The following SIRT1 variants were observed in gnomAD, a reference collection of about 807,000 sequenced individuals.
SIRT1 encodes NAD-dependent protein deacetylase sirtuin-1.
SIRT1 carries 24 observed loss-of-function variants against 67.9 expected under a neutral mutation model. That is an observed-to-expected ratio of 0.35 (90% CI 0.26 to 0.50). The LOEUF is 0.50. SIRT1 is among the 20% of genes least tolerant of loss of function. The pLI, the probability that SIRT1 is intolerant of heterozygous loss-of-function variation, is 0.98. For synonymous variants in SIRT1, 378 were observed against 350.7 expected (o/e 1.08, Z -0.87); for missense variants, 873 against 937.2 (o/e 0.93, Z 0.89).
In SIRT1 at chr10:67,911,749, G is replaced by A. The variant is rs947965989; in HGVS notation, c.1358-725G>A. Among the ~76,000 whole-genome samples the A allele has an allele frequency of 4.9e-5, 7 of 144,124 alleles. No individual in the cohort carries two copies. In the South Asian group the frequency reaches 6.8e-4, roughly 14 times the overall value. 94.6% of individuals were successfully genotyped at this position (144,124 alleles called of 152,430 possible). A position where few individuals can be genotyped will look rare whatever the true frequency, so the allele number is the denominator to read the frequency against. On this transcript the variant is annotated intron_variant, in intron 7 of 8. Coordinates refer to ENST00000212015, the MANE Select transcript of SIRT1 (RefSeq NM_012238.5). ...CATCCTTCTGTCTGTCCTTCCTTCC[G>A]TTCATCTGTCCGTCCTTCCTTCCTC...
rs1443915269 is a variant in SIRT1, at chr10:67,909,445, A to G, written c.1357+3A>G. On this transcript the variant is annotated splice_donor_region_variant and intron_variant, in intron 7 of 8. Coordinates refer to ENST00000212015, the MANE Select transcript of SIRT1 (RefSeq NM_012238.5). ...AAGACCAGTAGCACTAATTCCAAGT[A>G]AGTTGGTGATGGTTTTTGGAGAACA... The G allele has an allele frequency of 6.3e-7, 1 of 1,598,880 alleles. No individual in the cohort carries two copies. The highest frequency in any genetic ancestry group is 1.1e-5 in the South Asian group (1 of 88,188).
intron 3 of SIRT1, among the ~76,000 whole-genome samples, chr10:67,890,618 A>G (rs916722396): frequency 1.2e-4 from 18 of 152,064 alleles, no homozygotes; most frequent in African/African-American, 4.1e-4. Context: ...TTGTAGTCCC[A>G]GCTGCTAAGG....
Position 67,916,574 on chromosome 10 carries a change from A to T in SIRT1, c.2225A>T (p.Tyr742Phe). The change falls in exon 9 of 9, where the codon TAT becomes TTT. Residue 742 changes from tyrosine to phenylalanine, a missense_variant. By Grantham distance (22) the Tyr-to-Phe change is conservative. This residue lies in a region of SIRT1 where 295 missense variants were observed against 294.5 expected (regional missense o/e 1.00). Coordinates refer to ENST00000212015, the MANE Select transcript of SIRT1 (RefSeq NM_012238.5). ...AAACAGGAAGTAACAGACATGAACT[A>T]TCCATCAAACAAATCATAGTGTAAT... ...SVKQEVTDMN[Y>F]PSNKS 6.2e-7 allele frequency: 1 copy of T among 1,610,480 alleles called. No homozygotes were observed. Among genetic ancestry groups the T allele is most frequent in the Non-Finnish European group, 8.5e-7 (1 of 1,177,258 alleles).
chr10:67,885,553 C>T (rs986779031), intron 1 of SIRT1, among the ~76,000 whole-genome samples: 3 of 151,700 alleles, frequency 2.0e-5, no homozygotes, highest in Non-Finnish European at 4.4e-5. Flanking sequence ...AAGTCTGCAA[C>T]TTTTTGGCTG....
Position 67,912,916 on chromosome 10 carries a change from G to A in SIRT1, c.1800G>A (p.Leu600=). 6.2e-7 allele frequency: 1 copy of A among 1,614,146 alleles called. No homozygotes were observed. The highest frequency in any genetic ancestry group is 8.5e-7 in the Non-Finnish European group (1 of 1,180,028). Residue 600 remains leucine (L), a synonymous_variant, in exon 8 of 9, where the codon TTG becomes TTA. Transcript: ENST00000212015. ...SIAEQMENPD[L]KNVGSSTGEK... ...CTGAACAGATGGAAAATCCGGATTTGAAGAATGTTGGTTCTAGTACTGGGG... is the reference window on the plus strand; with the variant it reads ...CTGAACAGATGGAAAATCCGGATTTAAAGAATGTTGGTTCTAGTACTGGGG...
chr10:67,885,664 A>G (rs987695668), intron 1 of SIRT1, among the ~76,000 whole-genome samples: 1 of 152,068 alleles, frequency 6.6e-6, no homozygotes, highest in African/African-American at 2.4e-5. Context: ...CAATTTTTGA[A>G]AGAGGAAAGC....
chr10:67,886,976 A>G (rs1842493382), intron 1 of SIRT1, among the ~76,000 whole-genome samples: 1 of 151,478 alleles, frequency 6.6e-6, no homozygotes, highest in African/African-American at 2.4e-5. Context: ...GGTTCAAGCC[A>G]TTCTCGTGCC....
chr10:67,887,830 C>T (rs1589067430), intron 2 of SIRT1, among the ~76,000 whole-genome samples: 1 of 152,360 alleles, frequency 6.6e-6, no homozygotes, highest in East Asian at 1.9e-4. Flanking sequence ...TCCGCCTGGG[C>T]CTCCCAAAGT....
intron 4 of SIRT1, 129 bp from the exon 5 acceptor site, chr10:67,906,660 AC>A: frequency 1.1e-6 from 1 of 925,012 alleles, no homozygotes; most frequent in Non-Finnish European, 1.6e-6. Context: ...CCATCTAGAT[AC>A]TTTAAAATGC....
intron 2 of SIRT1, 109 bp from the exon 3 acceptor site, chr10:67,888,773 C>G: frequency 1.6e-6 from 2 of 1,248,802 alleles, no homozygotes; most frequent in East Asian, 4.7e-5. Context: ...ATTGCATTTT[C>G]TTACTTTGCA....
At chr10:67,895,522 C>T (rs865788304) in intron 4 of SIRT1, among the ~76,000 whole-genome samples, 3 of 152,202 alleles carry the variant, frequency 2.0e-5, no homozygotes, top group African/African-American at 7.2e-5. Flanking sequence ...CTAAGCTTTT[C>T]TGTGAGTCAG....
chr10:67,907,939 C>A, intron 5 of SIRT1, 107 bp from the exon 6 acceptor site: 1 of 924,232 alleles, frequency 1.1e-6, no homozygotes, highest in East Asian at 2.6e-5. Context: ...AACAAAAATC[C>A]TTAAACCCTC....
chr10:67,906,559 AC>A (rs1842823328), intron 4 of SIRT1, among the ~76,000 whole-genome samples: 1 of 152,112 alleles, frequency 6.6e-6, no homozygotes, highest in Admixed American at 6.6e-5. Context: ...TTATGGGCCG[AC>A]TTTGTCTTTT....
intron 4 of SIRT1, chr10:67,906,132 A>G (rs1187605696): frequency 1.5e-6 from 2 of 1,292,914 alleles, no homozygotes; most frequent in East Asian, 3.1e-5. Context: ...TCTTTTTGCC[A>G]TGTGTATATC....
At chr10:67,916,217 A>G (rs1405935594) in intron 8 of SIRT1, 48 bp from the exon 9 acceptor site, 1 of 1,500,670 alleles carries the variant, frequency 6.7e-7, no homozygotes, top group East Asian at 2.3e-5. Context: ...GCTCAGACTG[A>G]GTTAGTGTTA....
At chr10:67,906,349 C>CAA in intron 4 of SIRT1, 1 of 1,465,918 alleles carries the variant, frequency 6.8e-7, no homozygotes. Flanking sequence ...AATGATAAAT[C>CAA]AAAAAAAAAT....
chr10:67,895,926 G>A (rs1345309920), intron 4 of SIRT1, among the ~76,000 whole-genome samples: 1 of 151,822 alleles, frequency 6.6e-6, no homozygotes, highest in East Asian at 1.9e-4. Context: ...AATTTTAGTA[G>A]AGACGGGATT....
At chr10:67,908,012 T>C (rs956260243) in intron 5 of SIRT1, 34 bp from the exon 6 acceptor site, 1 of 1,551,204 alleles carries the variant, frequency 6.4e-7, no homozygotes, top group Non-Finnish European at 8.9e-7. Context: ...GAAATACTTC[T>C]TTAATAAAGC....
intron 4 of SIRT1, among the ~76,000 whole-genome samples, chr10:67,902,951 T>C (rs1842764859): frequency 1.3e-5 from 2 of 152,018 alleles, no homozygotes; most frequent in Admixed American, 1.3e-4. Context: ...ATTAGCTGAA[T>C]GTGGTGGCGC....
Sources: allele counts gnomAD v4.1 joint callset (sites outside exome capture counted in the v4.1 genomes callset), GRCh38; gene constraint gnomAD v4.1.1; regional missense constraint gnomAD v4.1.1; transcripts MANE v1.5; gene names NCBI Gene and HGNC (gene_info 2026-07-23, HGNC 2026-07-21).